Variants in RUVBL2 observed in about 807,000 individuals in gnomAD.
The protein encoded by RUVBL2 is ruvB-like 2.
In RUVBL2, 9 loss-of-function variants were observed where a neutral mutation model predicts 57.9. That is an observed-to-expected ratio of 0.16 (90% CI 0.09 to 0.27). The LOEUF (loss-of-function observed/expected upper bound fraction) is 0.27. Among genes scored for constraint, RUVBL2 ranks in the 10% least tolerant of loss-of-function variants. The probability of loss-of-function intolerance (pLI) is 1.00; values close to 1 mark genes in which losing one functional copy is unlikely to be tolerated. For missense variants in RUVBL2, 456 were observed against 669.6 expected, an observed-to-expected ratio of 0.68 and a Z score of 3.52; for synonymous variants, 278 against 264.6, an observed-to-expected ratio of 1.05 and a Z score of -0.49.
chr19:49,012,551 G>A (rs929994161), intron 11 of RUVBL2, among the ~76,000 whole-genome samples: 6 of 152,166 alleles, frequency 3.9e-5, no homozygotes, highest in East Asian at 1.9e-4. Flanking sequence ...CTGATTGTTC[G>A]TAGACTCTGT....
In RUVBL2 at chr19:49,007,045, C is replaced by G; in HGVS notation, c.293C>G (p.Thr98Arg). The G allele has an allele frequency of 6.2e-7, 1 of 1,613,116 alleles. No individual in the cohort carries two copies. The highest frequency in any genetic ancestry group is 8.5e-7 in the Non-Finnish European group (1 of 1,180,028). ...MGMAQALGPD[T>R]PFTAIAGSEI... ...ATGGCGCAGGCCCTGGGCCCTGACA[C>G]GCCATTCACAGCCATCGCCGGCAGT... The change falls in exon 5 of 15, where the codon ACG becomes AGG. Residue 98 changes from threonine (T) to arginine (R), a missense_variant. Physicochemically the swap from Thr to Arg is moderately conservative, Grantham distance 71 (BLOSUM62 -1). Around this residue, in one of 5 missense-constraint regions of RUVBL2, gnomAD observed 233 missense variants for 306.0 expected, o/e 0.76. Coordinates refer to ENST00000595090, the MANE Select transcript of RUVBL2 (RefSeq NM_006666.3).
At chr19:48,994,178 A>G (rs377424975) in intron 1 of RUVBL2, 7 of 547,570 alleles carry the variant, frequency 1.3e-5, no homozygotes, top group African/African-American at 7.6e-5. Flanking sequence ...TGCTATAGGA[A>G]CTCCAACTTT....
At position 49,010,618 on chromosome 19, in the gene RUVBL2, C is replaced by A. The variant is rs750978857; in HGVS notation, c.787+7C>A. 2 of 1,613,354 alleles carry A rather than the reference C, an allele frequency of 1.2e-6. No homozygotes were observed. Among genetic ancestry groups the A allele is most frequent in the Non-Finnish European group, 1.7e-6 (2 of 1,179,844 alleles). On this transcript the variant is annotated splice_region_variant and intron_variant, in intron 9 of 14. Coordinates refer to ENST00000595090, the MANE Select transcript of RUVBL2 (RefSeq NM_006666.3). The stretch of plus-strand genomic sequence containing the variant: ...TTCCTGGCGCTCTTCTCAGGTGAGG[C>A]CCCTCCTGCCCTGCCCTGCCCTGCC...
intron 1 of RUVBL2, chr19:48,994,989 T>C (rs2122563619): frequency 6.6e-6 from 1 of 150,968 alleles, no homozygotes; most frequent in South Asian, 2.1e-4. Flanking sequence ...TCAATTTCCA[T>C]GATGAGCCCA....
In RUVBL2 at chr19:49,004,402, G is replaced by A; in HGVS notation, c.249G>A (p.Lys83=). ...VLIAGQPGTG[K]TAIAMGMAQA... ...TTGCTGGCCAGCCGGGCACGGGGAA[G>A]ACGGCCATCGCCATGGGTAAGAAAC... is the stretch of plus-strand genomic sequence containing the variant. Residue 83 remains lysine, a synonymous_variant, in exon 4 of 15, where the codon AAG becomes AAA. Transcript: ENST00000595090. 2 of 1,612,858 alleles carry A rather than the reference G, an allele frequency of 1.2e-6. No individual in the cohort carries two copies. The highest frequency in any genetic ancestry group is 1.7e-6 in the Non-Finnish European group (2 of 1,179,902).
Position 49,004,262 on chromosome 19 carries a change from G to A in RUVBL2, c.124-15G>A, listed in dbSNP as rs756086890. The A allele has an allele frequency of 8.1e-6, 13 of 1,609,134 alleles. No individual in the cohort carries two copies. Among genetic ancestry groups the A allele is most frequent in the Admixed American group, 1.7e-5 (1 of 59,964 alleles). The stretch of plus-strand genomic sequence containing the variant: ...CCCCACAGGAAATCACCTCATGTGC[G>A]CCTCCCACCCACAGGCTTCGCAAGG... On this transcript the variant is annotated splice_polypyrimidine_tract_variant and intron_variant, in intron 3 of 14. Transcript: ENST00000595090.
intron 2 of RUVBL2, among the ~76,000 whole-genome samples, chr19:48,999,895 G>C (rs962139840): frequency 6.6e-6 from 1 of 152,164 alleles, no homozygotes; most frequent in Non-Finnish European, 1.5e-5. Flanking sequence ...CACTGGCCCC[G>C]GCTCACACAG....
At chr19:49,010,669 C>G in intron 9 of RUVBL2, 58 bp downstream of exon 9, 2 of 1,602,108 alleles carry the variant, frequency 1.2e-6, no homozygotes, top group Admixed American at 3.4e-5. Context: ...CAGCCTCCCT[C>G]GGGCTCCCTC....
chr19:49,004,841 A>G (rs1403987978), intron 4 of RUVBL2, among the ~76,000 whole-genome samples: 1 of 152,194 alleles, frequency 6.6e-6, no homozygotes, highest in Non-Finnish European at 1.5e-5. Flanking sequence ...ATGTAATCAT[A>G]TGATCACACT....
upstream of RUVBL2, chr19:48,993,854 A>G: frequency 3.1e-6 from 5 of 1,607,942 alleles, no homozygotes; most frequent in African/African-American, 2.7e-5. Flanking sequence ...AGGAGCCAGA[A>G]CATCTCGCTC....
chr19:49,004,371 T>G lies in RUVBL2; in HGVS notation c.218T>G (p.Val73Gly). The G allele has an allele frequency of 1.2e-6, 2 of 1,613,100 alleles. No individual in the cohort carries two copies. The highest frequency in any genetic ancestry group is 1.7e-6 in the Non-Finnish European group (2 of 1,179,936). Residue 73 changes from valine (V) to glycine (G), a missense_variant, in exon 4 of 15, where the codon GTC becomes GGC. Coordinates refer to ENST00000595090, the MANE Select transcript of RUVBL2 (RefSeq NM_006666.3). ...IREGKIAGRA[V>G]LIAGQPGTGK... ...GAAGGGAAGATTGCCGGTCGGGCAG[T>G]CCTTATTGCTGGCCAGCCGGGCACG... is the stretch of plus-strand genomic sequence containing the variant.
chr19:49,001,047 A>G (rs1600173026), intron 2 of RUVBL2, among the ~76,000 whole-genome samples: 1 of 151,962 alleles, frequency 6.6e-6, no homozygotes, highest in Non-Finnish European at 1.5e-5. Flanking sequence ...AGTCCCAGCT[A>G]CTTGGGAGAA....
At chr19:49,000,856 A>C (rs2039164985) in intron 2 of RUVBL2, among the ~76,000 whole-genome samples, 1 of 151,826 alleles carries the variant, frequency 6.6e-6, no homozygotes, top group Admixed American at 6.6e-5. Context: ...TCTCAAAAAC[A>C]AACAAAAAGT....
At chr19:49,002,053 G>GTTTT (rs1238451015) in intron 2 of RUVBL2, among the ~76,000 whole-genome samples, 51 of 148,192 alleles carry the variant, frequency 3.4e-4, no homozygotes, top group African/African-American at 1.2e-3. Context: ...TTGGTTTTTT[G>GTTTT]TTGTTTTTTT....
At chr19:49,010,160 C>G in intron 8 of RUVBL2, 94 bp downstream of exon 8, 1 of 1,147,996 alleles carries the variant, frequency 8.7e-7, no homozygotes, top group Non-Finnish European at 1.3e-6. Context: ...CTGGATCTTC[C>G]TGTTACCCTG....
Position 49,010,626 on chromosome 19 carries a change from GC to G in RUVBL2, c.787+18del. On this transcript the variant is annotated intron_variant, in intron 9 of 14. Coordinates refer to ENST00000595090, the MANE Select transcript of RUVBL2 (RefSeq NM_006666.3). ...GCTCTTCTCAGGTGAGGCCCCTCCT[GC>G]CCTGCCCTGCCCTGCCCTGCCCCAG... The G allele has an allele frequency of 6.2e-7, 1 of 1,607,644 alleles. No individual in the cohort carries two copies. Among genetic ancestry groups the G allele is most frequent in the Non-Finnish European group, 8.5e-7 (1 of 1,177,990 alleles).
intron 1 of RUVBL2, among the ~76,000 whole-genome samples, chr19:48,995,847 C>A (rs1346250055): frequency 1.3e-5 from 2 of 151,662 alleles, no homozygotes; most frequent in Non-Finnish European, 2.9e-5. Context: ...ATTAGCCGGG[C>A]GTGGTGGCAC....
chr19:49,000,689 AC>A (rs1201220202), intron 2 of RUVBL2, among the ~76,000 whole-genome samples: 1 of 151,952 alleles, frequency 6.6e-6, no homozygotes, highest in Non-Finnish European at 1.5e-5. Flanking sequence ...ACATGGTGAA[AC>A]CCTGTCTCTA....
chr19:49,010,937 C>T lies in RUVBL2; in HGVS notation c.788-62C>T, dbSNP rs181289643. 29 of 1,422,898 alleles carry T rather than the reference C, an allele frequency of 2.0e-5. No homozygotes were observed. The African/African-American group carries it at 3.5e-4, about 17-fold the overall frequency. 88.1% of individuals were successfully genotyped at this position (1,422,898 alleles called of 1,614,324 possible). ...GCATCATCCTTCTCTGTCTTAGCCA[C>T]ACTCTGGCCCTGGAACCCGCCTCCT... On this transcript the variant is annotated intron_variant, in intron 9 of 14. Coordinates refer to ENST00000595090, the MANE Select transcript of RUVBL2 (RefSeq NM_006666.3).
Sources: gnomAD v4.1 joint callset for allele counts (sites outside exome capture counted in the v4.1 genomes callset) on GRCh38, gnomAD v4.1.1 for gene constraint, gnomAD v4.1.1 regional missense constraint, MANE v1.5 for transcripts, NCBI Gene and HGNC (gene_info 2026-07-23, HGNC 2026-07-21) for gene names.